SLC30A8: variants seen among roughly 807,000 people sequenced by gnomAD.
SLC30A8 encodes proton-coupled zinc antiporter SLC30A8.
SLC30A8 carries 27 observed loss-of-function variants against 36.9 expected under a neutral mutation model. The ratio of observed to expected loss-of-function variants is 0.73; its 90% confidence interval spans 0.54 to 1.01. The LOEUF (loss-of-function observed/expected upper bound fraction) is 1.01, where lower values mean the gene tolerates loss of function less well. Among genes scored for constraint, SLC30A8 ranks in the 50% least tolerant of loss-of-function variants. SLC30A8 has a pLI of 0.00. For missense variants in SLC30A8, 439 were observed against 452.0 expected, an observed-to-expected ratio of 0.97 and a Z score of 0.26; for synonymous variants, 164 against 172.4, an observed-to-expected ratio of 0.95 and a Z score of 0.38.
Position 117,128,815 on chromosome 8 carries a change from G to A in SLC30A8, c.-225-6465G>A, listed in dbSNP as rs534042062. ...AAGGGGATTATTTTTACTGACAAGA[G>A]CTTTCTGAGGTTTCACAGTGGTATC... On this transcript the variant is annotated intron_variant, in intron 2 of 10. Coordinates refer to the SLC30A8 transcript ENST00000427715. 1.3e-5 allele frequency among the ~76,000 whole-genome samples: 2 copies of A among 152,138 alleles called. 1 individual carries two copies. Among genetic ancestry groups the A allele is most frequent in the South Asian group, 4.2e-4 (2 of 4,814 alleles).
At chr8:117,142,742 A>G (rs7817754) in intron 1 of SLC30A8, among the ~76,000 whole-genome samples, 33,422 of 151,942 alleles carry the variant, frequency 0.22, 4,042 homozygotes, top group African/African-American at 0.33. Context: ...TTCCCACACA[A>G]TTTAAGGTAG....
intron 2 of SLC30A8, among the ~76,000 whole-genome samples, chr8:117,108,559 C>T (rs62510516): frequency 6.6e-6 from 1 of 152,078 alleles, no homozygotes; most frequent in Admixed American, 6.6e-5. Context: ...ATTCTTATAA[C>T]GATCCTAAAA....
chr8:117,048,183 C>G (rs1817609359), intron 2 of SLC30A8, among the ~76,000 whole-genome samples: 1 of 152,162 alleles, frequency 6.6e-6, no homozygotes, highest in Non-Finnish European at 1.5e-5. Context: ...CTCTTGGGGT[C>G]TGGATTGGGA....
intron 1 of SLC30A8, among the ~76,000 whole-genome samples, chr8:116,989,716 C>T (rs1437156605): frequency 6.6e-6 from 1 of 152,082 alleles, no homozygotes; most frequent in Non-Finnish European, 1.5e-5. Context: ...TTGAGGATAA[C>T]AATAAGTGTA....
At position 117,105,514 on chromosome 8, in the gene SLC30A8, C is replaced by T. The variant is rs17812931; in HGVS notation, c.-225-29766C>T. 0.015 allele frequency among the ~76,000 whole-genome samples: 2,330 copies of T among 152,122 alleles called. 155 individuals are homozygous for T. In the East Asian group the frequency reaches 0.22, roughly 15 times the overall value. On this transcript the variant is annotated intron_variant, in intron 2 of 10. Coordinates refer to the SLC30A8 transcript ENST00000427715. ...ATATGAGTGTGTATATTAACGAATA[C>T]GCATACATGATTTATTTTAAGAAAT... is the stretch of plus-strand genomic sequence containing the variant.
At chr8:117,008,238 T>A (rs920289654) in intron 1 of SLC30A8, among the ~76,000 whole-genome samples, 22 of 152,328 alleles carry the variant, frequency 1.4e-4, no homozygotes, top group African/African-American at 5.3e-4. Context: ...ATAATACCAA[T>A]AAGAACCCTA....
At chr8:117,076,506 C>T (rs1437506173) in intron 2 of SLC30A8, among the ~76,000 whole-genome samples, 4 of 152,024 alleles carry the variant, frequency 2.6e-5, no homozygotes, top group Non-Finnish European at 5.9e-5. Context: ...GTCATCCTAC[C>T]CCCTTGTCTT....
intron 2 of SLC30A8, among the ~76,000 whole-genome samples, chr8:117,152,192 A>G (rs1822222720): frequency 6.6e-6 from 1 of 152,182 alleles, no homozygotes; most frequent in Non-Finnish European, 1.5e-5. Flanking sequence ...TTGCTCTCAA[A>G]CAACAAACCA....
At chr8:117,083,059 A>G (rs1818728019) in intron 2 of SLC30A8, among the ~76,000 whole-genome samples, 1 of 152,194 alleles carries the variant, frequency 6.6e-6, no homozygotes, top group Non-Finnish European at 1.5e-5. Flanking sequence ...TCTCTTCTCC[A>G]TTGTGGCAGA....
chr8:117,135,831 C>T (rs1253791303), intron 1 of SLC30A8, among the ~76,000 whole-genome samples: 1 of 151,818 alleles, frequency 6.6e-6, no homozygotes, highest in African/African-American at 2.4e-5. Flanking sequence ...TATAAAGTAT[C>T]ATTATTAATA....
chr8:117,052,176 A>T (rs1817730899), intron 2 of SLC30A8, among the ~76,000 whole-genome samples: 1 of 151,838 alleles, frequency 6.6e-6, no homozygotes, highest in African/African-American at 2.4e-5. Context: ...ACACCCAACT[A>T]ATTTTTCTAT....
intron 1 of SLC30A8, among the ~76,000 whole-genome samples, chr8:117,142,545 C>T (rs1194522067): frequency 2.0e-5 from 3 of 152,114 alleles, no homozygotes; most frequent in African/African-American, 7.2e-5. Context: ...TTTCTTTACG[C>T]CACAGGGGAC....
intron 7 of SLC30A8, 65 bp downstream of exon 7, chr8:117,171,233 C>A: frequency 6.4e-7 from 1 of 1,554,272 alleles, no homozygotes; most frequent in Non-Finnish European, 8.9e-7. Context: ...CAGTAATTTC[C>A]CTTCTTTTTG....
intron 2 of SLC30A8, among the ~76,000 whole-genome samples, chr8:117,091,885 T>C (rs1819143445): frequency 6.6e-6 from 1 of 152,184 alleles, no homozygotes; most frequent in Non-Finnish European, 1.5e-5. Flanking sequence ...TGTGCACATA[T>C]ATAGCATAGA....
chr8:117,048,446 C>T (rs534870576), intron 2 of SLC30A8, among the ~76,000 whole-genome samples: 1 of 152,318 alleles, frequency 6.6e-6, no homozygotes, highest in South Asian at 2.1e-4. Context: ...ATATCCCTCA[C>T]ATTTTATCTC....
chr8:117,078,021 TTTAGAGA>T (rs1818544867), intron 2 of SLC30A8, among the ~76,000 whole-genome samples: 1 of 152,222 alleles, frequency 6.6e-6, no homozygotes, highest in Admixed American at 6.5e-5. Context: ...AAGTCTGAAT[TTTAGAGA>T]AATGTCAGGA....
chr8:117,060,687 T>C (rs189747642), intron 2 of SLC30A8, among the ~76,000 whole-genome samples: 2 of 152,304 alleles, frequency 1.3e-5, no homozygotes, highest in Admixed American at 1.3e-4. Flanking sequence ...TAGACTTAAA[T>C]CCCCTGTTGA....
chr8:116,986,167 C>T (rs1047054295), intron 1 of SLC30A8, among the ~76,000 whole-genome samples: 2 of 152,164 alleles, frequency 1.3e-5, no homozygotes, highest in African/African-American at 2.4e-5. Context: ...ATACCCAGTA[C>T]GTAGTTTCTT....
At chr8:117,060,650 G>T (rs1281842788) in intron 2 of SLC30A8, among the ~76,000 whole-genome samples, 1 of 152,158 alleles carries the variant, frequency 6.6e-6, no homozygotes, top group Non-Finnish European at 1.5e-5. Context: ...CTACTCCAGA[G>T]ACAATTTGGC....
Sources: allele counts gnomAD v4.1 joint callset (sites outside exome capture counted in the v4.1 genomes callset), GRCh38; gene constraint gnomAD v4.1.1; transcripts MANE v1.5; gene names NCBI Gene and HGNC (gene_info 2026-07-23, HGNC 2026-07-21).